OR3A2: variants seen among roughly 807,000 people sequenced by gnomAD.
OR3A2 encodes the protein olfactory receptor 3A2.
For synonymous variants in OR3A2, 126 were observed against 159.3 expected, an observed-to-expected ratio of 0.79 and a Z score of 1.57; for missense variants, 318 against 392.8, an observed-to-expected ratio of 0.81 and a Z score of 1.61.
intron 2 of OR3A2, among the ~76,000 whole-genome samples, chr17:3,340,143 T>A (rs1433738830): frequency 2.0e-5 from 3 of 152,136 alleles, no homozygotes; most frequent in Non-Finnish European, 2.9e-5. Flanking sequence ...TTTTATTACA[T>A]CTATTTGATT....
chr17:3,369,416 G>C (rs192318006), intron 2 of OR3A2, among the ~76,000 whole-genome samples: 3 of 152,216 alleles, frequency 2.0e-5, no homozygotes, highest in Non-Finnish European at 1.5e-5. Context: ...TCCCTTCTAT[G>C]CTAATTTTGC....
intron 2 of OR3A2, among the ~76,000 whole-genome samples, chr17:3,336,575 A>G (rs1270268736): frequency 6.6e-6 from 1 of 152,212 alleles, no homozygotes; most frequent in Non-Finnish European, 1.5e-5. Flanking sequence ...GTAGCCAACC[A>G]AGAGAGATGT....
At chr17:3,292,473 G>A (rs765161399) in intron 3 of OR3A2, 2 of 1,613,770 alleles carry the variant, frequency 1.2e-6, no homozygotes, top group African/African-American at 1.3e-5. Flanking sequence ...GACCAGGTAG[G>A]CAAAGAGGAA....
In OR3A2 at chr17:3,357,144, A is replaced by G. The variant is rs547623249; in HGVS notation, c.-178-21018T>C. Among the ~76,000 whole-genome samples the G allele has an allele frequency of 8.3e-4, 126 of 151,878 alleles. 4 individuals carry two copies. The highest frequency in any genetic ancestry group is 2.8e-3 in the African/African-American group (114 of 41,186). ...CACTAGTTCCCAAACTTAGTTGTAC[A>G]TTCTTGCCTGTTTGCATAGGTGGTA... On this transcript the variant is annotated intron_variant, in intron 2 of 4. Coordinates refer to the OR3A2 transcript ENST00000573491.
At chr17:3,357,831 G>T (rs2049475904) in intron 2 of OR3A2, among the ~76,000 whole-genome samples, 1 of 151,244 alleles carries the variant, frequency 6.6e-6, no homozygotes, top group Non-Finnish European at 1.5e-5. Context: ...TGGGATTAAA[G>T]ATGTGAGCTG....
At chr17:3,281,406 T>C (rs2048776076) in intron 1 of OR3A2, among the ~76,000 whole-genome samples, 1 of 151,992 alleles carries the variant, frequency 6.6e-6, no homozygotes, top group Non-Finnish European at 1.5e-5. Flanking sequence ...GCTAATTTTT[T>C]TGTATTTTTA....
intron 2 of OR3A2, among the ~76,000 whole-genome samples, chr17:3,354,302 C>T (rs575427717): frequency 6.6e-6 from 1 of 151,054 alleles, no homozygotes. Flanking sequence ...GAAGCCATTG[C>T]GTCCTGTGCT....
At chr17:3,351,586 T>G (rs1401245784) in intron 2 of OR3A2, among the ~76,000 whole-genome samples, 3 of 128,552 alleles carry the variant, frequency 2.3e-5, no homozygotes, top group Non-Finnish European at 1.6e-5. Context: ...AGAATCAATA[T>G]CGTGAAAATG....
At chr17:3,367,601 GTA>G (rs553464584) in intron 2 of OR3A2, among the ~76,000 whole-genome samples, 1,398 of 122,270 alleles carry the variant, frequency 0.011, 97 homozygotes, top group African/African-American at 0.039. Context: ...GTGTGTGTGT[GTA>G]TATATATATA....
intron 2 of OR3A2, among the ~76,000 whole-genome samples, chr17:3,357,962 G>A (rs1173700658): frequency 6.6e-6 from 1 of 151,570 alleles, no homozygotes; most frequent in Non-Finnish European, 1.5e-5. Flanking sequence ...AGATCAGAGT[G>A]GGGGTCAGGT....
intron 3 of OR3A2, among the ~76,000 whole-genome samples, chr17:3,333,984 G>T (rs1030924495): frequency 2.6e-5 from 4 of 152,090 alleles, no homozygotes; most frequent in Non-Finnish European, 5.9e-5. Flanking sequence ...CATTCATGCC[G>T]CCAAAAACAT....
rs563670230 is a variant in OR3A2 at position 3,317,213 on chromosome 17, G to A, written c.-85+18820C>T. Reference sequence around the variant, plus strand: ...GTAACAGTGAGCCAGGAAGAGACGTGAAGGCCTGAGAAGTAGCAATAAGTG... The same window carrying A: ...GTAACAGTGAGCCAGGAAGAGACGTAAAGGCCTGAGAAGTAGCAATAAGTG... On this transcript the variant is annotated intron_variant, in intron 3 of 4. Transcript: ENST00000573491. Among the ~76,000 whole-genome samples, 12 of 152,314 alleles carry A rather than the reference G, an allele frequency of 7.9e-5. No homozygotes were observed. In the South Asian group the frequency reaches 2.5e-3, roughly 32 times the overall value.
intron 3 of OR3A2, among the ~76,000 whole-genome samples, chr17:3,293,166 A>G (rs1455482507): frequency 1.3e-5 from 2 of 150,834 alleles, no homozygotes; most frequent in African/African-American, 2.4e-5. Flanking sequence ...AAAAAAAAAA[A>G]GGGTGGGTAG....
chr17:3,310,707 C>T (rs768767291), intron 3 of OR3A2: 2 of 546,482 alleles, frequency 3.7e-6, no homozygotes, highest in Non-Finnish European at 7.5e-6. Context: ...CTGCCAGTCC[C>T]TCACCTACAG....
chr17:3,329,605 T>C (rs1382663084), intron 3 of OR3A2, among the ~76,000 whole-genome samples: 2 of 141,398 alleles, frequency 1.4e-5, no homozygotes, highest in African/African-American at 5.4e-5. Flanking sequence ...TCTCTCTTTT[T>C]TTCTTTATTA....
intron 2 of OR3A2, among the ~76,000 whole-genome samples, chr17:3,367,216 T>C (rs934758576): frequency 6.6e-6 from 1 of 152,214 alleles, no homozygotes; most frequent in Non-Finnish European, 1.5e-5. Flanking sequence ...GACTCAGTTG[T>C]TTTTATTTCA....
intron 3 of OR3A2, among the ~76,000 whole-genome samples, chr17:3,326,085 C>G (rs1242762406): frequency 6.6e-6 from 1 of 152,070 alleles, no homozygotes; most frequent in African/African-American, 2.4e-5. Flanking sequence ...ATAATGGCTT[C>G]CAGCTCCATC....
At chr17:3,308,685 G>A (rs1281944489) in intron 3 of OR3A2, among the ~76,000 whole-genome samples, 2 of 152,110 alleles carry the variant, frequency 1.3e-5, no homozygotes, top group Non-Finnish European at 2.9e-5. Context: ...AATGGTAAGA[G>A]CATGTCCATG....
rs2048906060 is a variant in OR3A2 at position 3,294,748 on chromosome 17, T to C, written c.-84-15595A>G. Among the ~76,000 whole-genome samples the C allele has an allele frequency of 3.3e-5, 5 of 152,172 alleles. No individual in the cohort carries two copies. The South Asian group carries it at 1.0e-3, about 32-fold the overall frequency. ...AGAAATTAAGGTAGCATATCATTTC[T>C]CCAAAGTAACAGTCAAAGTTGGAAT... On this transcript the variant is annotated intron_variant, in intron 3 of 4. Transcript: ENST00000573491.
Sources: gnomAD v4.1 joint callset for allele counts (sites outside exome capture counted in the v4.1 genomes callset) on GRCh38, gnomAD v4.1.1 for gene constraint, MANE v1.5 for transcripts, NCBI Gene and HGNC (gene_info 2026-07-23, HGNC 2026-07-21) for gene names.